Variants in DNAH12 observed in about 807,000 individuals in gnomAD.
The protein encoded by DNAH12 is dynein axonemal heavy chain 12, also known as axonemal beta dynein heavy chain 12.
A neutral mutation model predicts 371.5 loss-of-function variants in DNAH12; 285 were observed. The ratio of observed to expected loss-of-function variants is 0.77; its 90% CI spans 0.70 to 0.85. The LOEUF is 0.85. Ranked by LOEUF, DNAH12 falls within the 40% of genes least tolerant of loss-of-function variation. DNAH12 has a pLI of 0.00. For missense variants in DNAH12, 3,611 were observed against 3,689.4 expected (o/e 0.98, Z 0.55); for synonymous variants, 1,200 against 1,213.0 (o/e 0.99, Z 0.22).
intron 2 of DNAH12, among the ~76,000 whole-genome samples, chr3:57,528,882 C>T (rs904237719): frequency 4.6e-5 from 7 of 151,710 alleles, no homozygotes; most frequent in Non-Finnish European, 7.4e-5. Context: ...TCACTGTAAC[C>T]TCTGCCATCT....
chr3:57,391,648 A>C (rs2063625769), intron 45 of DNAH12, among the ~76,000 whole-genome samples: 1 of 152,186 alleles, frequency 6.6e-6, no homozygotes, highest in African/African-American at 2.4e-5. Flanking sequence ...TCTCTTATAT[A>C]ATCATGATTA....
At chr3:57,534,725 T>A (rs949319823) in intron 2 of DNAH12, among the ~76,000 whole-genome samples, 2 of 152,114 alleles carry the variant, frequency 1.3e-5, no homozygotes, top group African/African-American at 4.8e-5. Context: ...GATAGTCTGG[T>A]CTCGAACTCC....
Position 57,334,919 on chromosome 3 carries a change from G to A in DNAH12, c.9696C>T (p.Tyr3232=), listed in dbSNP as rs1343312116. 2 of 1,549,764 alleles carry A rather than the reference G, an allele frequency of 1.3e-6. No individual in the cohort carries two copies. The highest frequency in any genetic ancestry group is 1.4e-5 in the African/African-American group (1 of 73,018). ...CAGTTAAAAGAAACATCAGTTCCTG[G>A]TATTCAATCTCTTTCCTTGCCCTGT... The part of the protein sequence containing the change: ...NLLLARKEIE[Y]QELMFLLTGG... The change falls in exon 61 of 74, where the codon TAC becomes TAT. Residue 3232 remains tyrosine (Y), a synonymous_variant. Coordinates refer to ENST00000495027, the MANE Select transcript of DNAH12 (RefSeq NM_001366028.2).
chr3:57,421,414 C>G, intron 36 of DNAH12, 104 bp downstream of exon 36: 2 of 1,090,512 alleles, frequency 1.8e-6, no homozygotes, highest in Non-Finnish European at 1.3e-6. Context: ...TTAAAAAGCT[C>G]ACCGCAGGAG....
chr3:57,470,851 T>A (rs1221152112), intron 15 of DNAH12, among the ~76,000 whole-genome samples: 2 of 152,110 alleles, frequency 1.3e-5, no homozygotes, highest in Non-Finnish European at 2.9e-5. Flanking sequence ...GGACTACAGA[T>A]GCGGACCACC....
At chr3:57,475,106 C>G (rs1286901674) in intron 13 of DNAH12, among the ~76,000 whole-genome samples, 1 of 152,084 alleles carries the variant, frequency 6.6e-6, no homozygotes, top group Non-Finnish European at 1.5e-5. Context: ...TAAATTGGAC[C>G]TCACATTATT....
chr3:57,502,586 A>G lies in DNAH12; in HGVS notation c.1087-107T>C, dbSNP rs563269694. On this transcript the variant is annotated intron_variant, in intron 9 of 73. Coordinates refer to ENST00000495027, the MANE Select transcript of DNAH12 (RefSeq NM_001366028.2). Reference sequence around the variant, plus strand: ...TCCTTTGGAGACGGAGTCTTGCTCTATCACCCAGGTTGGAGCGCATTGGTG... The same window carrying G: ...TCCTTTGGAGACGGAGTCTTGCTCTGTCACCCAGGTTGGAGCGCATTGGTG... 1.6e-5 allele frequency: 20 copies of G among 1,220,084 alleles called. 1 individual carries two copies. In the Middle Eastern group the frequency reaches 8.3e-4, roughly 51 times the overall value. 75.6% of individuals were successfully genotyped at this position (1,220,084 alleles called of 1,614,324 possible). A position where few individuals can be genotyped will look rare whatever the true frequency, so the allele number is the denominator to read the frequency against.
At chr3:57,333,130 C>T (rs1575465478) in intron 62 of DNAH12, among the ~76,000 whole-genome samples, 2 of 151,868 alleles carry the variant, frequency 1.3e-5, no homozygotes, top group Admixed American at 1.3e-4. Flanking sequence ...GACAGAGTCT[C>T]ACTCTGCCAC....
intron 47 of DNAH12, among the ~76,000 whole-genome samples, 189 bp downstream of exon 47, chr3:57,386,252 A>G (rs2063497583): frequency 1.3e-5 from 2 of 152,234 alleles, no homozygotes; most frequent in South Asian, 2.1e-4. Flanking sequence ...TACTGTACTC[A>G]TTTGTAAAAT....
At chr3:57,400,284 TAAA>T (rs1297892216) in intron 43 of DNAH12, among the ~76,000 whole-genome samples, 3 of 148,908 alleles carry the variant, frequency 2.0e-5, no homozygotes, top group Non-Finnish European at 4.5e-5. Context: ...AGACTCTATC[TAAA>T]AAAAAAAATT....
At chr3:57,428,539 T>C in intron 34 of DNAH12, 94 bp downstream of exon 34, 1 of 1,515,426 alleles carries the variant, frequency 6.6e-7, no homozygotes, top group African/African-American at 1.4e-5. Flanking sequence ...AAACTGGTTT[T>C]AGTTATTCAT....
At chr3:57,554,631 T>C in the DNAH12 span, among the ~76,000 whole-genome samples, 1 of 152,168 alleles carries the variant, frequency 6.6e-6, no homozygotes, top group Admixed American at 6.5e-5. Flanking sequence ...TTGTTTTGTT[T>C]TGAGACGGAG....
chr3:57,420,385 T>A (rs1221912013), intron 36 of DNAH12, among the ~76,000 whole-genome samples: 1 of 152,228 alleles, frequency 6.6e-6, no homozygotes, highest in Non-Finnish European at 1.5e-5. Context: ...GTTACATGTT[T>A]GAATTGTGGT....
chr3:57,507,717 CCTT>C lies in DNAH12; in HGVS notation c.820_822del (p.Lys274del), dbSNP rs1176848392. On this transcript the variant is annotated inframe_deletion, in exon 8 of 74. Transcript: ENST00000495027. ...TCAGGTTTAACACCTTCTAGTGCCT[CCTT>C]CTTGGTAAAGAGATTTATAACCTTT... is the stretch of plus-strand genomic sequence containing the variant. 2.5e-6 allele frequency: 4 copies of C among 1,611,280 alleles called. No individual in the cohort carries two copies. Among genetic ancestry groups the C allele is most frequent in the African/African-American group, 2.7e-5 (2 of 74,886 alleles).
intron 58 of DNAH12, among the ~76,000 whole-genome samples, chr3:57,359,559 C>CAAAAAAAAA (rs1268515074): frequency 5.6e-4 from 40 of 71,936 alleles, no homozygotes; most frequent in Non-Finnish European, 8.4e-4. Flanking sequence ...AACTCCATCT[C>CAAAAAAAAA]AAAAAAAAAA....
In DNAH12 at chr3:57,406,407, T is replaced by C. The variant is rs7640985; in HGVS notation, c.6277-455A>G. Among the ~76,000 whole-genome samples the C allele has an allele frequency of 6.1e-3, 918 of 149,482 alleles. 7 individuals carry two copies. The highest frequency in any genetic ancestry group is 0.01 in the Non-Finnish European group (675 of 67,344). On this transcript the variant is annotated intron_variant, in intron 40 of 73. Transcript: ENST00000495027. ...GATTATACTGGCTTGGAAAATTGCA[T>C]AGTACTAAGCTTAGCATGGCATATA...
chr3:57,479,908 T>C (rs1474964198), intron 13 of DNAH12, among the ~76,000 whole-genome samples: 1 of 151,844 alleles, frequency 6.6e-6, no homozygotes, highest in Non-Finnish European at 1.5e-5. Flanking sequence ...ATCTCTGGGA[T>C]ACAGTCAAAG....
At chr3:57,534,332 A>C (rs1055448343) in intron 2 of DNAH12, among the ~76,000 whole-genome samples, 2 of 151,946 alleles carry the variant, frequency 1.3e-5, no homozygotes, top group African/African-American at 4.8e-5. Context: ...GTGAGTTCTC[A>C]TCTGATTTTT....
At chr3:57,548,027 A>G (rs2069591925), upstream of DNAH12, among the ~76,000 whole-genome samples, 1 of 152,232 alleles carries the variant, frequency 6.6e-6, no homozygotes, top group African/African-American at 2.4e-5. Flanking sequence ...TACTACGAAC[A>G]ACAAGATTTA....
Sources: gnomAD v4.1 joint callset for allele counts (sites outside exome capture counted in the v4.1 genomes callset) on GRCh38, gnomAD v4.1.1 for gene constraint, MANE v1.5 for transcripts, NCBI Gene and HGNC (gene_info 2026-07-23, HGNC 2026-07-21) for gene names.